Variants in CXCL13 observed in about 807,000 individuals in gnomAD.
The protein encoded by CXCL13 is C-X-C motif chemokine ligand 13.
A neutral mutation model predicts 12.2 loss-of-function variants in CXCL13; 7 were observed. The ratio of observed to expected loss-of-function variants is 0.57; its 90% CI spans 0.33 to 1.07. The LOEUF (loss-of-function observed/expected upper bound fraction) is 1.07, where lower values mean the gene tolerates loss of function less well. Among genes scored for constraint, CXCL13 ranks in the 50% least tolerant of loss-of-function variants. CXCL13 has a pLI of 0.04. For missense variants in CXCL13, 113 were observed against 127.4 expected (o/e 0.89, Z 0.55); for synonymous variants, 47 against 42.4 (o/e 1.11, Z -0.42).
chr4:77,577,569 A>G (rs1726227745), intron 1 of CXCL13, among the ~76,000 whole-genome samples: 1 of 152,108 alleles, frequency 6.6e-6, no homozygotes, highest in Non-Finnish European at 1.5e-5. Flanking sequence ...AATGAGGTCT[A>G]GGAAATGCAA....
chr4:77,605,882 C>T lies in CXCL13; in HGVS notation c.17C>T (p.Thr6Ile). ...CCAGACAGAATGAAGTTCATCTCGA[C>T]ATCTCTGCTTCTCATGCTGCTGGTC... MKFIS[T>I]SLLLMLLVSS... The change falls in exon 1 of 4, where the codon ACA becomes ATA. Residue 6 changes from threonine (T) to isoleucine (I), a missense_variant. Thr to Ile is a moderately conservative substitution (Grantham distance 89). Transcript: ENST00000682537. 1 of 1,606,938 alleles carries T rather than the reference C, an allele frequency of 6.2e-7. No homozygotes were observed. The highest frequency in any genetic ancestry group is 1.1e-5 in the South Asian group (1 of 89,356).
chr4:77,532,691 C>T (rs1007185554), intron 1 of CXCL13, among the ~76,000 whole-genome samples: 12 of 152,168 alleles, frequency 7.9e-5, no homozygotes, highest in Non-Finnish European at 1.3e-4. Flanking sequence ...ACCAATCAGA[C>T]GTAGATTTGA....
chr4:77,515,105 T>A (rs1386445508), intron 1 of CXCL13, among the ~76,000 whole-genome samples: 2 of 151,604 alleles, frequency 1.3e-5, no homozygotes, highest in African/African-American at 4.9e-5. Context: ...TTGTCAAAGA[T>A]CAGATGGTTG....
chr4:77,553,215 C>T (rs1314485555), intron 1 of CXCL13, among the ~76,000 whole-genome samples: 1 of 152,216 alleles, frequency 6.6e-6, no homozygotes, highest in Non-Finnish European at 1.5e-5. Context: ...TGCTCCAGGT[C>T]TGTGATGGGG....
chr4:77,591,749 C>G (rs746186401), intron 1 of CXCL13, among the ~76,000 whole-genome samples: 12 of 152,152 alleles, frequency 7.9e-5, no homozygotes, highest in Non-Finnish European at 1.2e-4. Context: ...ACACTTGGCA[C>G]AGCCCTGCCC....
intron 1 of CXCL13, among the ~76,000 whole-genome samples, chr4:77,516,302 T>G (rs1724418220): frequency 6.6e-6 from 1 of 152,226 alleles, no homozygotes; most frequent in Non-Finnish European, 1.5e-5. Context: ...GGCTTTGGTG[T>G]CAGGATGATG....
intron 1 of CXCL13, among the ~76,000 whole-genome samples, chr4:77,554,450 T>C (rs930142888): frequency 1.3e-5 from 2 of 152,084 alleles, no homozygotes; most frequent in Non-Finnish European, 2.9e-5. Context: ...GCTTCAAATA[T>C]ACATGAAGCA....
chr4:77,586,614 C>T (rs1472728129), intron 1 of CXCL13, among the ~76,000 whole-genome samples: 2 of 152,152 alleles, frequency 1.3e-5, no homozygotes, highest in East Asian at 1.9e-4. Context: ...CTGTGCTAGG[C>T]TGCATATTCA....
At chr4:77,577,611 C>T (rs2109822392) in intron 1 of CXCL13, among the ~76,000 whole-genome samples, 1 of 152,300 alleles carries the variant, frequency 6.6e-6, no homozygotes. Flanking sequence ...GTAGGACGTA[C>T]ATGGGTCAGA....
At chr4:77,557,034 AAGAGAG>A (rs145165710) in intron 1 of CXCL13, among the ~76,000 whole-genome samples, 26 of 151,596 alleles carry the variant, frequency 1.7e-4, no homozygotes, top group African/African-American at 5.6e-4. Context: ...TAAAAAATAA[AAGAGAG>A]AGAGAGAGAG....
intron 1 of CXCL13, among the ~76,000 whole-genome samples, chr4:77,542,053 G>C (rs1725217374): frequency 6.6e-6 from 1 of 152,000 alleles, no homozygotes; most frequent in Non-Finnish European, 1.5e-5. Flanking sequence ...TCTGTATATT[G>C]GCTTTTGTAT....
chr4:77,540,914 A>G (rs1303668867), intron 1 of CXCL13, among the ~76,000 whole-genome samples: 1 of 152,094 alleles, frequency 6.6e-6, no homozygotes, highest in African/African-American at 2.4e-5. Flanking sequence ...CAGCATCACC[A>G]TCTGTTAGTT....
chr4:77,545,642 T>A (rs2109803692), intron 1 of CXCL13, among the ~76,000 whole-genome samples: 1 of 152,290 alleles, frequency 6.6e-6, no homozygotes, highest in African/African-American at 2.4e-5. Context: ...TTAAGGAGAT[T>A]TTGGGCTGAG....
intron 1 of CXCL13, among the ~76,000 whole-genome samples, chr4:77,520,287 C>T (rs1208841884): frequency 2.6e-5 from 4 of 152,018 alleles, no homozygotes; most frequent in African/African-American, 4.8e-5. Flanking sequence ...TGGCATTGAA[C>T]CTATAAATTA....
At chr4:77,575,677 C>A (rs775524062) in intron 1 of CXCL13, among the ~76,000 whole-genome samples, 2 of 151,710 alleles carry the variant, frequency 1.3e-5, no homozygotes, top group Non-Finnish European at 2.9e-5. Context: ...CAACATTTAA[C>A]AGGCTTCCCA....
Position 77,555,162 on chromosome 4 carries a change from T to C in CXCL13, c.-43+43374T>C, listed in dbSNP as rs1725632092. Reference sequence around the variant, plus strand: ...AACCAAAAGCAGATTCTTTGAAAAATTGTTGTTTCTAATTAGACCAAGAAA... The same window carrying C: ...AACCAAAAGCAGATTCTTTGAAAAACTGTTGTTTCTAATTAGACCAAGAAA... On this transcript the variant is annotated intron_variant, in intron 1 of 4. Transcript: ENST00000286758. 2.0e-5 allele frequency among the ~76,000 whole-genome samples: 3 copies of C among 151,694 alleles called. No individual in the cohort carries two copies. The South Asian group carries it at 6.2e-4, about 32-fold the overall frequency.
rs981874731 is a variant in CXCL13 at position 77,599,247 on chromosome 4, G to C, written c.-42-6577G>C. Among the ~76,000 whole-genome samples the C allele has an allele frequency of 2.6e-5, 4 of 152,320 alleles. No homozygotes were observed. The South Asian group carries it at 8.3e-4, about 32-fold the overall frequency. ...TGAGGATTGGTTGCAAGACTCCCGT[G>C]TATACCAGAATCTATAGATGCTCAA... is the stretch of plus-strand genomic sequence containing the variant. On this transcript the variant is annotated intron_variant, in intron 1 of 4. Coordinates refer to the CXCL13 transcript ENST00000286758.
chr4:77,584,574 T>A (rs1726409067), intron 1 of CXCL13, among the ~76,000 whole-genome samples: 1 of 152,206 alleles, frequency 6.6e-6, no homozygotes, highest in Non-Finnish European at 1.5e-5. Context: ...AGAAGAGACA[T>A]TTTTAACAGT....
intron 1 of CXCL13, among the ~76,000 whole-genome samples, chr4:77,574,066 T>C (rs969444552): frequency 1.1e-4 from 17 of 151,974 alleles, no homozygotes; most frequent in African/African-American, 4.1e-4. Context: ...AGCTAGAGTC[T>C]GGTAATTAGA....
Sources: allele counts gnomAD v4.1 joint callset (sites outside exome capture counted in the v4.1 genomes callset), GRCh38; gene constraint gnomAD v4.1.1; transcripts MANE v1.5; gene names NCBI Gene and HGNC (gene_info 2026-07-23, HGNC 2026-07-21).